CYP4A11: variants seen among roughly 807,000 people sequenced by gnomAD.
The protein encoded by CYP4A11 is cytochrome P450 4A11.
In CYP4A11, 52 loss-of-function variants were observed where a neutral mutation model predicts 57.7. The observed-to-expected ratio is 0.90, with a 90% CI of 0.72 to 1.14. The LOEUF (loss-of-function observed/expected upper bound fraction) is 1.14. Among genes scored for constraint, CYP4A11 ranks in the 50% most tolerant of loss-of-function variants. The pLI, the probability that CYP4A11 is intolerant of heterozygous loss-of-function variation, is 0.00. For missense variants in CYP4A11, 641 were observed against 642.1 expected, an observed-to-expected ratio of 1.00 and a Z score of 0.02; for synonymous variants, 228 against 247.1, an observed-to-expected ratio of 0.92 and a Z score of 0.72.
rs530295909 is a variant in CYP4A11, at chr1:46,934,188, G to A, written c.1076C>T (p.Ala359Val). 4.3e-6 allele frequency: 7 copies of A among 1,613,898 alleles called. No homozygotes were observed. The Admixed American group carries it at 1.0e-4, about 23-fold the overall frequency. Residue 359 changes from alanine (A) to valine (V), a missense_variant, in exon 8 of 12, where the codon GCC becomes GTC. Coordinates refer to ENST00000310638, the MANE Select transcript of CYP4A11 (RefSeq NM_000778.4). ...AGCCCTCACTCACCAGGTGATGGAG[G>A]CTCCATCACCCAGGAGGCTGTGGAT... ...EEIHSLLGDGASITWNHLDQM... is the reference protein window; with the variant it reads ...EEIHSLLGDGVSITWNHLDQM...
At position 46,930,302 on chromosome 1, in the gene CYP4A11, A is replaced by G. The variant is rs780295129; in HGVS notation, c.1373T>C (p.Ile458Thr). The G allele has an allele frequency of 5.0e-6, 8 of 1,611,878 alleles. No homozygotes were observed. The highest frequency in any genetic ancestry group is 1.1e-5 in the South Asian group (1 of 90,896). ...CTCGTTCATGGCAAATTGTTTCCCG[A>G]TGCAGTTCCTGGGCCAGGTGGAGAT... ...LPFSGGSRNC[I>T]GKQFAMNELK... The change falls in exon 12 of 12, where the codon ATC becomes ACC. Residue 458 changes from isoleucine (I) to threonine (T), a missense_variant. By Grantham distance (89) the Ile-to-Thr change is moderately conservative. Coordinates refer to ENST00000310638, the MANE Select transcript of CYP4A11 (RefSeq NM_000778.4).
chr1:46,941,294 G>T lies in CYP4A11; in HGVS notation c.140C>A (p.Ala47Asp). Residue 47 changes from alanine to aspartate, a missense_variant, in exon 1 of 12, where the codon GCC becomes GAC. Coordinates refer to ENST00000310638, the MANE Select transcript of CYP4A11 (RefSeq NM_000778.4). The part of the protein sequence containing the change: ...LYLHRQWLLK[A>D]LQQFPCPPSH... ...GGGAGGGCACGGGAACTGCTGGAGG[G>T]CTTTGAGCAGCCACTGCCTGTGCAG... The T allele has an allele frequency of 6.2e-7, 1 of 1,614,174 alleles. No individual in the cohort carries two copies. The highest frequency in any genetic ancestry group is 8.5e-7 in the Non-Finnish European group (1 of 1,180,026).
chr1:46,940,676 A>T, intron 1 of CYP4A11: 3 of 985,372 alleles, frequency 3.0e-6, no homozygotes, highest in Non-Finnish European at 3.6e-6. Flanking sequence ...TCTTGGGGAA[A>T]CTTACTTAGC....
intron 1 of CYP4A11, among the ~76,000 whole-genome samples, chr1:46,939,971 T>C (rs890395973): frequency 2.0e-5 from 3 of 149,510 alleles, no homozygotes; most frequent in Admixed American, 6.6e-5. Flanking sequence ...TGAGAAACAA[T>C]AGGCCTCAGT....
chr1:46,935,176 G>A lies in CYP4A11; in HGVS notation c.636-22C>T, dbSNP rs12735029. The A allele has an allele frequency of 4.5e-5, 73 of 1,609,324 alleles. No homozygotes were observed. The Admixed American group carries it at 5.8e-4, about 13-fold the overall frequency. The stretch of plus-strand genomic sequence containing the variant: ...ATTCCTGAGGGAGAGTATGAAGAAG[G>A]GACTGCAGTAGGGGTGGGCCCATTA... On this transcript the variant is annotated intron_variant, in intron 5 of 11. Transcript: ENST00000310638.
chr1:46,930,046 A>G lies in CYP4A11; in HGVS notation c.*69T>C, dbSNP rs114160471. On this transcript the variant is annotated 3_prime_UTR_variant, in exon 12 of 12. Transcript: ENST00000310638. Reference sequence around the variant, plus strand: ...AGAAGGGAAGGTGGGCAGACAGAAAACAGGATATGGGCAGACAGGAAGGGG... The same window carrying G: ...AGAAGGGAAGGTGGGCAGACAGAAAGCAGGATATGGGCAGACAGGAAGGGG... 1,348 of 1,503,730 alleles carry G rather than the reference A, an allele frequency of 9.0e-4. 14 individuals are homozygous for G. The African/African-American group carries it at 0.017, about 19-fold the overall frequency. The allele number at this position is 1,503,730 out of a possible 1,614,324, so 93.1% of individuals were successfully genotyped here. A position where few individuals can be genotyped will look rare whatever the true frequency, so the allele number is the denominator to read the frequency against.
chr1:46,930,048 A>C lies in CYP4A11; in HGVS notation c.*67T>G. ...AAGGGAAGGTGGGCAGACAGAAAAC[A>C]GGATATGGGCAGACAGGAAGGGGAC... is the stretch of plus-strand genomic sequence containing the variant. On this transcript the variant is annotated 3_prime_UTR_variant, in exon 12 of 12. Transcript: ENST00000310638. 6.6e-7 allele frequency: 1 copy of C among 1,515,050 alleles called. No homozygotes were observed. 93.9% of individuals were successfully genotyped at this position (1,515,050 alleles called of 1,614,324 possible).
At chr1:46,939,352 A>T (rs760989766) in intron 1 of CYP4A11, among the ~76,000 whole-genome samples, 2 of 152,134 alleles carry the variant, frequency 1.3e-5, no homozygotes, top group Non-Finnish European at 2.9e-5. Flanking sequence ...TGTGGTCCTT[A>T]TCTGTGTGGA....
intron 1 of CYP4A11, 58 bp downstream of exon 1, chr1:46,941,181 G>A (rs2148469112): frequency 1.9e-6 from 3 of 1,560,878 alleles, no homozygotes; most frequent in Non-Finnish European, 1.7e-6. Flanking sequence ...TTTGTGACCA[G>A]GGTCTCAGAG....
chr1:46,940,658 T>G, intron 1 of CYP4A11: 2 of 985,390 alleles, frequency 2.0e-6, no homozygotes, highest in Non-Finnish European at 2.4e-6. Context: ...TTGTGGAAAT[T>G]CCGTGAGTCT....
intron 9 of CYP4A11, among the ~76,000 whole-genome samples, chr1:46,933,626 C>T (rs909186652): frequency 1.3e-5 from 2 of 152,184 alleles, no homozygotes; most frequent in African/African-American, 2.4e-5. Flanking sequence ...TTTGCACTGA[C>T]CCCATGAGGA....
At position 46,933,040 on chromosome 1, in the gene CYP4A11, C is replaced by A. The variant is rs777439629; in HGVS notation, c.1230G>T (p.Met410Ile). The A allele has an allele frequency of 1.4e-5, 22 of 1,614,022 alleles. No homozygotes were observed. In the East Asian group the frequency reaches 4.5e-4, roughly 33 times the overall value. The change falls in exon 10 of 12, where the codon ATG (methionine) becomes ATT (isoleucine). Residue 410 changes from methionine to isoleucine, a missense_variant. Physicochemically the swap from Met to Ile is conservative, Grantham distance 10 (BLOSUM62 1). Transcript: ENST00000310638. ...PDGRSLPKGI[M>I]VLLSIYGLHH... ...GAAGGCCATAAATGGAGAGGAGGAC[C>A]ATGATACCTGTGGTGCAGGTTGGAA...
rs375258408 is a variant in CYP4A11 at position 46,933,013 on chromosome 1, G to T, written c.1257C>A (p.His419Gln). 1.2e-6 allele frequency: 2 copies of T among 1,614,160 alleles called. No individual in the cohort carries two copies. Among genetic ancestry groups the T allele is most frequent in the East Asian group, 2.2e-5 (1 of 44,880 alleles). ...GGTTGGGCCACACTTTTGGGTTGTG[G>T]TGAAGGCCATAAATGGAGAGGAGGA... The part of the protein sequence containing the change: ...IMVLLSIYGL[H>Q]HNPKVWPNPE... Residue 419 changes from histidine (H) to glutamine (Q), a missense_variant, in exon 10 of 12, where the codon CAC becomes CAA. By Grantham distance (24) the His-to-Gln change is conservative. Transcript: ENST00000310638.
chr1:46,939,639 T>C (rs187570177), intron 1 of CYP4A11, among the ~76,000 whole-genome samples: 6 of 152,330 alleles, frequency 3.9e-5, no homozygotes, highest in Non-Finnish European at 8.8e-5. Flanking sequence ...CTCTGGCCTC[T>C]TGAGAAGGAT....
chr1:46,938,465 C>T (rs1230222236), intron 1 of CYP4A11, among the ~76,000 whole-genome samples: 1 of 152,156 alleles, frequency 6.6e-6, no homozygotes, highest in East Asian at 1.9e-4. Context: ...TTTGTAAAAT[C>T]ATTTAGTATA....
rs1181278724 is a variant in CYP4A11 at position 46,930,916 on chromosome 1, A to G, written c.1365-606T>C. ...GTCTAACCTCACTCCTCCATCCACC[A>G]GCCCCTGTAGCCTTCTAATTCTACT... is the stretch of plus-strand genomic sequence containing the variant. On this transcript the variant is annotated intron_variant, in intron 11 of 11. Coordinates refer to ENST00000310638, the MANE Select transcript of CYP4A11 (RefSeq NM_000778.4). Among the ~76,000 whole-genome samples, 5 of 152,228 alleles carry G rather than the reference A, an allele frequency of 3.3e-5. No homozygotes were observed. In the East Asian group the frequency reaches 9.7e-4, roughly 29 times the overall value.
chr1:46,936,259 G>A (rs1188639638), intron 4 of CYP4A11, among the ~76,000 whole-genome samples: 1 of 152,234 alleles, frequency 6.6e-6, no homozygotes, highest in African/African-American at 2.4e-5. Context: ...GAAACCCGGG[G>A]CCCCAGGCCA....
At chr1:46,931,494 C>T (rs1270285970) in intron 11 of CYP4A11, 1 of 844,934 alleles carries the variant, frequency 1.2e-6, no homozygotes, top group African/African-American at 1.8e-5. Flanking sequence ...GGACTTGACC[C>T]AGAGAGGTAG....
At chr1:46,940,438 A>C (rs1284265617) in intron 1 of CYP4A11, among the ~76,000 whole-genome samples, 1 of 152,118 alleles carries the variant, frequency 6.6e-6, no homozygotes, top group East Asian at 1.9e-4. Context: ...CTGTGCCAGG[A>C]TTTTGCTGAT....
Sources: allele counts gnomAD v4.1 joint callset (sites outside exome capture counted in the v4.1 genomes callset), GRCh38; gene constraint gnomAD v4.1.1; transcripts MANE v1.5; gene names NCBI Gene and HGNC (gene_info 2026-07-23, HGNC 2026-07-21).